ABCC1: variants seen among roughly 807,000 people sequenced by gnomAD.
ABCC1 encodes the protein ATP binding cassette subfamily C member 1 (ABCC1 blood group).
In ABCC1, 83 loss-of-function variants were observed where a neutral mutation model predicts 172.9. The observed-to-expected ratio is 0.48, with a 90% CI of 0.40 to 0.58. ABCC1 has a LOEUF of 0.58. Ranked by LOEUF, ABCC1 falls within the 20% of genes least tolerant of loss-of-function variation. The pLI, the probability that ABCC1 is intolerant of heterozygous loss-of-function variation, is 0.00. For synonymous variants in ABCC1, 937 were observed against 825.2 expected (o/e 1.14, Z -2.32); for missense variants, 1,817 against 2,002.7 (o/e 0.91, Z 1.77).
chr16:16,127,886 A>AT (rs1169601817), intron 26 of ABCC1, among the ~76,000 whole-genome samples: 1 of 149,016 alleles, frequency 6.7e-6, no homozygotes, highest in Admixed American at 6.7e-5. Flanking sequence ...TTGACACTGA[A>AT]TTTAATTCAC....
chr16:16,096,424 A>C (rs893257470), intron 19 of ABCC1, among the ~76,000 whole-genome samples: 1 of 152,080 alleles, frequency 6.6e-6, no homozygotes, highest in African/African-American at 2.4e-5. Context: ...TTTTCTTAAC[A>C]GTGGGCCATA....
At chr16:16,134,903 A>C (rs1159424137) in intron 28 of ABCC1, among the ~76,000 whole-genome samples, 2 of 152,076 alleles carry the variant, frequency 1.3e-5, no homozygotes, top group Non-Finnish European at 2.9e-5. Context: ...TGGCCTCCAA[A>C]AGTGCTGGGA....
intron 1 of ABCC1, among the ~76,000 whole-genome samples, chr16:15,981,633 A>G (rs183237676): frequency 8.9e-4 from 136 of 152,246 alleles, no homozygotes; most frequent in African/African-American, 9.9e-4. Flanking sequence ...GGCCCGGCCT[A>G]TGGAATCATT....
intron 3 of ABCC1, among the ~76,000 whole-genome samples, chr16:16,011,160 G>A (rs1191800763): frequency 3.9e-5 from 6 of 152,244 alleles, no homozygotes; most frequent in African/African-American, 1.2e-4. Flanking sequence ...TTGAACCCGG[G>A]AAGTGGAGGC....
At chr16:15,988,356 C>T (rs116171513) in intron 1 of ABCC1, among the ~76,000 whole-genome samples, 461 of 152,288 alleles carry the variant, frequency 3.0e-3, no homozygotes, top group African/African-American at 0.01. Context: ...GGAGGGCCGG[C>T]CCTTGGTCCC....
chr16:16,076,145 C>G (rs895361350), intron 14 of ABCC1, 181 bp from the exon 15 acceptor site: 6 of 611,310 alleles, frequency 9.8e-6, no homozygotes, highest in Non-Finnish European at 1.4e-5. Context: ...GGGGCTGCCT[C>G]CAGAACTGCA....
intron 7 of ABCC1, among the ~76,000 whole-genome samples, chr16:16,040,925 GTATT>G (rs919801413): frequency 4.6e-5 from 7 of 151,906 alleles, no homozygotes; most frequent in South Asian, 2.1e-4. Flanking sequence ...AGCCGCCATT[GTATT>G]TATTTATTTA....
intron 19 of ABCC1, among the ~76,000 whole-genome samples, chr16:16,095,892 CCT>C (rs149834681): frequency 0.012 from 1,843 of 152,212 alleles, 34 homozygotes; most frequent in African/African-American, 0.041. Flanking sequence ...AATATTTTTC[CCT>C]CTTAAGTATT....
At chr16:16,047,935 G>A (rs2049281722) in intron 9 of ABCC1, among the ~76,000 whole-genome samples, 1 of 152,070 alleles carries the variant, frequency 6.6e-6, no homozygotes, top group African/African-American at 2.4e-5. Context: ...TGAGTTCAAG[G>A]TTGGGAGGCA....
At chr16:16,139,611 C>CAAAAAAAAAAA (rs386384360) in intron 30 of ABCC1, among the ~76,000 whole-genome samples, 9 of 57,316 alleles carry the variant, frequency 1.6e-4, no homozygotes, top group African/African-American at 2.4e-4. Context: ...GACTCCATCT[C>CAAAAAAAAAAA]AAAAAAAAAA....
rs139077118 is a variant in ABCC1, at chr16:16,109,823, C to T, written c.2872-1552C>T. Among the ~76,000 whole-genome samples the T allele has an allele frequency of 8.7e-3, 1,332 of 152,306 alleles. 23 individuals are homozygous for T. Among genetic ancestry groups the T allele is most frequent in the African/African-American group, 0.03 (1,243 of 41,574 alleles). ...TTGAGGTGACATTTGGCCTTGGTTG[C>T]CAGGCAACATGTCACACGTTGCTTA... is the stretch of plus-strand genomic sequence containing the variant. On this transcript the variant is annotated intron_variant, in intron 21 of 30. Coordinates refer to ENST00000399410, the MANE Select transcript of ABCC1 (RefSeq NM_004996.4).
intron 5 of ABCC1, among the ~76,000 whole-genome samples, chr16:16,026,464 CCTTTTTTTT>C (rs1221409797): frequency 9.8e-6 from 1 of 102,296 alleles, no homozygotes; most frequent in East Asian, 2.9e-4. Flanking sequence ...AAGGCTATTT[CCTTTTTTTT>C]TTTTTTTTTT....
intron 12 of ABCC1, among the ~76,000 whole-genome samples, chr16:16,059,433 TTA>T (rs1478693391): frequency 1.3e-5 from 2 of 152,114 alleles, no homozygotes; most frequent in Non-Finnish European, 2.9e-5. Flanking sequence ...AAAAAAGTAT[TTA>T]GAGACACCAA....
intron 1 of ABCC1, among the ~76,000 whole-genome samples, chr16:16,004,911 T>G (rs60149254): frequency 0.098 from 14,842 of 152,050 alleles, 842 homozygotes; most frequent in African/African-American, 0.14. Flanking sequence ...CCTGACTGCC[T>G]GCCTAGGCCT....
intron 12 of ABCC1, among the ~76,000 whole-genome samples, chr16:16,067,905 C>G (rs1480282353): frequency 6.6e-6 from 1 of 152,166 alleles, no homozygotes; most frequent in African/African-American, 2.4e-5. Context: ...TAGGACATCT[C>G]TGAGAAAGTT....
intron 21 of ABCC1, among the ~76,000 whole-genome samples, chr16:16,107,787 C>G (rs2052198984): frequency 6.6e-6 from 1 of 151,180 alleles, no homozygotes; most frequent in Non-Finnish European, 1.5e-5. Context: ...GGTGGTGATC[C>G]AAAGTTTATT....
intron 27 of ABCC1, among the ~76,000 whole-genome samples, chr16:16,132,510 G>GGTTTTTT (rs1277380301): frequency 1.9e-4 from 7 of 37,300 alleles, no homozygotes; most frequent in Non-Finnish European, 2.5e-4. Flanking sequence ...TTGGTTGGTT[G>GGTTTTTT]TTTTTTTTTT....
chr16:16,071,123 A>G (rs35615), intron 13 of ABCC1, among the ~76,000 whole-genome samples: 123,506 of 151,890 alleles, frequency 0.81, 50,300 homozygotes, highest in Non-Finnish European at 0.83. Context: ...TCACTCTGTC[A>G]CCCAGGCTGG....
intron 5 of ABCC1, among the ~76,000 whole-genome samples, chr16:16,031,738 G>T (rs185517284): frequency 6.6e-6 from 1 of 151,900 alleles, no homozygotes; most frequent in Non-Finnish European, 1.5e-5. Flanking sequence ...CCTCGGGGGC[G>T]CCTTCTCTGA....
Sources: allele counts gnomAD v4.1 joint callset (sites outside exome capture counted in the v4.1 genomes callset), GRCh38; gene constraint gnomAD v4.1.1; transcripts MANE v1.5; gene names NCBI Gene and HGNC (gene_info 2026-07-23, HGNC 2026-07-21).